ASAH2: variants seen among roughly 807,000 people sequenced by gnomAD.
The protein encoded by ASAH2 is neutral ceramidase.
In ASAH2, 58 loss-of-function variants were observed where a neutral mutation model predicts 82.9. The observed-to-expected ratio is 0.70, with a 90% CI of 0.57 to 0.87. The LOEUF (loss-of-function observed/expected upper bound fraction) is 0.87. ASAH2 is among the 40% of genes least tolerant of loss of function. The pLI is 0.00. For synonymous variants in ASAH2, 276 were observed against 289.7 expected, an observed-to-expected ratio of 0.95 and a Z score of 0.48; for missense variants, 779 against 834.0, an observed-to-expected ratio of 0.93 and a Z score of 0.81.
chr10:50,193,507 A>G (rs1844896036), intron 18 of ASAH2, among the ~76,000 whole-genome samples: 5 of 151,064 alleles, frequency 3.3e-5, no homozygotes. Flanking sequence ...CAAGAAAAGA[A>G]TGGGCTAACA....
At chr10:50,217,206 T>A (rs1564840704) in intron 8 of ASAH2, among the ~76,000 whole-genome samples, 1 of 151,032 alleles carries the variant, frequency 6.6e-6, no homozygotes, top group African/African-American at 2.4e-5. Context: ...TCTTTGCACA[T>A]CCTAGTTCCT....
chr10:50,250,277 G>T (rs1268478955), intron 1 of ASAH2, among the ~76,000 whole-genome samples: 2 of 152,166 alleles, frequency 1.3e-5, no homozygotes, highest in East Asian at 1.9e-4. Context: ...TGGGCTAGAG[G>T]TGAAAGATCA....
intron 18 of ASAH2, among the ~76,000 whole-genome samples, chr10:50,194,122 C>G (rs1446665606): frequency 4.6e-5 from 7 of 151,232 alleles, no homozygotes; most frequent in Non-Finnish European, 1.0e-4. Flanking sequence ...CTTTTGGATA[C>G]TTTTTCAGAA....
chr10:50,210,920 T>C lies in ASAH2; in HGVS notation c.1333-16A>G. ...ATGTTTTTGACTAAAGGAAAAGTTT[T>C]AAAAACAAAACAAAAATGAAAAAGA... On this transcript the variant is annotated splice_polypyrimidine_tract_variant and intron_variant, in intron 11 of 20. Transcript: ENST00000682911. 6.2e-7 allele frequency: 1 copy of C among 1,612,062 alleles called. No homozygotes were observed. The highest frequency in any genetic ancestry group is 8.5e-7 in the Non-Finnish European group (1 of 1,178,278).
chr10:50,195,328 T>C (rs1255820999), intron 18 of ASAH2, among the ~76,000 whole-genome samples: 5 of 150,704 alleles, frequency 3.3e-5, no homozygotes, highest in African/African-American at 9.7e-5. Flanking sequence ...GAAATGCAAA[T>C]TAAAACTACA....
intron 7 of ASAH2, among the ~76,000 whole-genome samples, chr10:50,228,969 T>G (rs1025085263): frequency 1.4e-4 from 22 of 152,156 alleles, no homozygotes; most frequent in South Asian, 2.1e-4. Context: ...TGCAGCATCC[T>G]TGAAGAAATA....
At chr10:50,221,563 G>A (rs1417050681) in intron 7 of ASAH2, among the ~76,000 whole-genome samples, 2 of 152,064 alleles carry the variant, frequency 1.3e-5, no homozygotes, top group Non-Finnish European at 2.9e-5. Flanking sequence ...AAGTCCCAGA[G>A]TGGTAACGTT....
At chr10:50,229,952 T>A (rs2669683) in intron 7 of ASAH2, among the ~76,000 whole-genome samples, 82,100 of 151,918 alleles carry the variant, frequency 0.54, 22,459 homozygotes, top group East Asian at 0.67. Flanking sequence ...CTCAGTAGAC[T>A]GAAGTCCTAT....
intron 14 of ASAH2, among the ~76,000 whole-genome samples, chr10:50,204,183 C>A (rs1381504123): frequency 6.6e-6 from 1 of 151,558 alleles, no homozygotes; most frequent in Admixed American, 6.6e-5. Context: ...GGGTTTTGAG[C>A]AAAGACATGT....
At chr10:50,240,993 A>G (rs1846278760) in intron 4 of ASAH2, among the ~76,000 whole-genome samples, 1 of 152,258 alleles carries the variant, frequency 6.6e-6, no homozygotes, top group African/African-American at 2.4e-5. Context: ...AACCTGGGTC[A>G]TACAATGCAC....
In ASAH2 at chr10:50,250,862, C is replaced by T. The variant is rs892224641; in HGVS notation, c.-37+533G>A. On this transcript the variant is annotated intron_variant, in intron 1 of 20. Coordinates refer to ENST00000682911, the MANE Select transcript of ASAH2 (RefSeq NM_019893.4). ...TTAACATTAGTGTTTCCACCTATTA[C>T]GTGGACTTGAATGATCTACCTCATG... 3.3e-5 allele frequency among the ~76,000 whole-genome samples: 5 copies of T among 152,200 alleles called. No homozygotes were observed. The South Asian group carries it at 8.3e-4, about 25-fold the overall frequency.
chr10:50,199,607 A>T (rs1845086459), intron 16 of ASAH2, among the ~76,000 whole-genome samples: 1 of 148,136 alleles, frequency 6.8e-6, no homozygotes, highest in Non-Finnish European at 1.5e-5. Context: ...CTTTTAGCTG[A>T]CCTCCAGGCC....
intron 18 of ASAH2, among the ~76,000 whole-genome samples, chr10:50,194,453 A>T (rs1844922478): frequency 6.6e-6 from 1 of 151,734 alleles, no homozygotes; most frequent in African/African-American, 2.4e-5. Flanking sequence ...AAAAACTTGC[A>T]ATAAGCTAGG....
At chr10:50,207,708 C>T (rs1411533628) in intron 12 of ASAH2, among the ~76,000 whole-genome samples, 3 of 150,728 alleles carry the variant, frequency 2.0e-5, no homozygotes, top group Admixed American at 6.6e-5. Flanking sequence ...AATAACAGAG[C>T]CAGATTGCTT....
At chr10:50,209,576 T>C (rs1007820688) in intron 12 of ASAH2, among the ~76,000 whole-genome samples, 4 of 152,096 alleles carry the variant, frequency 2.6e-5, no homozygotes, top group Non-Finnish European at 5.9e-5. Context: ...CTCAATTTCC[T>C]GACCTGATGA....
intron 7 of ASAH2, among the ~76,000 whole-genome samples, chr10:50,225,623 A>C (rs1022664027): frequency 6.6e-6 from 1 of 152,186 alleles, no homozygotes; most frequent in Non-Finnish European, 1.5e-5. Context: ...GATTGGCAAG[A>C]GTATGACAAA....
rs1846265678 is a variant in ASAH2, at chr10:50,240,443, T to A, written c.510+2759A>T. On this transcript the variant is annotated intron_variant, in intron 4 of 20. Coordinates refer to ENST00000682911, the MANE Select transcript of ASAH2 (RefSeq NM_019893.4). ...GCTAATTTTTGTCCTCACTTCTAGT[T>A]CCACTCTATTCCAATCCATATCAAA... 5.7e-6 allele frequency: 4 copies of A among 701,902 alleles called. No homozygotes were observed. In the Admixed American group the frequency reaches 8.0e-5, roughly 14 times the overall value. 43.5% of individuals were successfully genotyped at this position (701,902 alleles called of 1,614,324 possible).
rs1845193158 is a variant in ASAH2 at position 50,202,912 on chromosome 10, G to A, written c.1678C>T (p.His560Tyr). The change falls in exon 16 of 21, where the codon CAT (histidine) becomes TAT (tyrosine). Residue 560 changes from histidine (H) to tyrosine (Y), a missense_variant. By Grantham distance (83) the His-to-Tyr change is moderately conservative. Around this residue, in one of 3 missense-constraint regions of ASAH2, gnomAD observed 759 missense variants for 755.2 expected, o/e 1.00. Transcript: ENST00000682911. ...ACAACAGTCATGTTCTGCATCCCAT[G>A]AGATGCAAATTCCTAGGAGAGAAAG... is the stretch of plus-strand genomic sequence containing the variant. ...REAVQAEFAS[H>Y]GMQNMTVVIS... The A allele has an allele frequency of 1.9e-6, 3 of 1,608,958 alleles. No homozygotes were observed. Among genetic ancestry groups the A allele is most frequent in the Admixed American group, 1.7e-5 (1 of 59,840 alleles).
intron 4 of ASAH2, among the ~76,000 whole-genome samples, chr10:50,237,190 A>G (rs967681882): frequency 5.3e-5 from 8 of 152,170 alleles, no homozygotes; most frequent in Non-Finnish European, 1.0e-4. Flanking sequence ...TCATTTCCCA[A>G]ATGAAGAATT....
Sources: allele counts gnomAD v4.1 joint callset (sites outside exome capture counted in the v4.1 genomes callset), GRCh38; gene constraint gnomAD v4.1.1; regional missense constraint gnomAD v4.1.1; transcripts MANE v1.5; gene names NCBI Gene and HGNC (gene_info 2026-07-23, HGNC 2026-07-21).